Variants in TAAR1 observed in about 807,000 individuals in gnomAD.
The protein encoded by TAAR1 is trace amine associated receptor 1, also known as trace amine-associated receptor 1.
In TAAR1, 1 loss-of-function variant was observed where a neutral mutation model predicts 1.2. The ratio of observed to expected loss-of-function variants is 0.81; its 90% CI spans 0.29 to 3.86. The LOEUF is 3.86. Among genes scored for constraint, TAAR1 ranks in the 30% most tolerant of loss-of-function variants. The pLI is 0.18. For missense variants in TAAR1, 445 were observed against 405.6 expected, an observed-to-expected ratio of 1.10 and a Z score of -0.83; for synonymous variants, 153 against 132.2, an observed-to-expected ratio of 1.16 and a Z score of -1.08.
chr6:132,657,126 T>C (rs975604258), intron 1 of TAAR1, among the ~76,000 whole-genome samples: 3 of 152,148 alleles, frequency 2.0e-5, no homozygotes, highest in Admixed American at 2.0e-4. Context: ...ACACTTAACA[T>C]TGGCCTGAAA....
rs576798008 is a variant in TAAR1, at chr6:132,645,770, A to C, written c.234T>G (p.Pro78=). The C allele has an allele frequency of 6.2e-7, 1 of 1,613,788 alleles. No individual in the cohort carries two copies. Among genetic ancestry groups the C allele is most frequent in the South Asian group, 1.1e-5 (1 of 91,072 alleles). The change falls in exon 2 of 2, where the codon CCT becomes CCG. Residue 78 remains proline, a synonymous_variant. Coordinates refer to ENST00000275216, the MANE Select transcript of TAAR1 (RefSeq NM_138327.4). ...VDFLLGCLVM[P]YSMVRSAEHC... ...GCTCAGCAGATCTCACCATACTGTAAGGCATGACCAGACACCCCAGAAGAA... is the reference window on the plus strand; with the variant it reads ...GCTCAGCAGATCTCACCATACTGTACGGCATGACCAGACACCCCAGAAGAA...
rs367888752 is a variant in TAAR1, at chr6:132,645,459, C to T, written c.545G>A (p.Cys182Tyr). The change falls in exon 2 of 2, where the codon TGC becomes TAC. Residue 182 changes from cysteine (C) to tyrosine (Y), a missense_variant. Physicochemically the swap from Cys to Tyr is radical, Grantham distance 194 (BLOSUM62 -2). Coordinates refer to ENST00000275216, the MANE Select transcript of TAAR1 (RefSeq NM_138327.4). ...YYKHVHCRGG[C>Y]SVFFSKISGV... Reference sequence around the variant, plus strand: ...AGATATTTTGCTAAAGAAGACAGAGCAACCTCCTCTGCAGTGAACATGTTT... The same window carrying T: ...AGATATTTTGCTAAAGAAGACAGAGTAACCTCCTCTGCAGTGAACATGTTT... 6.2e-7 allele frequency: 1 copy of T among 1,613,750 alleles called. No individual in the cohort carries two copies. Among genetic ancestry groups the T allele is most frequent in the Middle Eastern group, 1.7e-4 (1 of 6,060 alleles).
intron 1 of TAAR1, among the ~76,000 whole-genome samples, chr6:132,655,269 A>G (rs928634633): frequency 2.6e-5 from 4 of 152,224 alleles, no homozygotes; most frequent in African/African-American, 9.6e-5. Flanking sequence ...AAAGAATTAT[A>G]AAAGAGAATA....
Position 132,645,643 on chromosome 6 carries a change from G to A in TAAR1, c.361C>T (p.Arg121Cys), listed in dbSNP as rs199758150. Reference protein sequence around the residue: ...IFHLSFISIDRYYAVCDPLRY... With the variant: ...IFHLSFISIDCYYAVCDPLRY... Reference sequence around the variant, plus strand: ...AGTGGATCACACACAGCATAGTAGCGGTCAATGGAGATGAAAGACAAATGG... The same window carrying A: ...AGTGGATCACACACAGCATAGTAGCAGTCAATGGAGATGAAAGACAAATGG... The change falls in exon 2 of 2, where the codon CGC (arginine) becomes TGC (cysteine). Residue 121 changes from arginine to cysteine, a missense_variant. Arg to Cys is a radical substitution (Grantham distance 180, BLOSUM62 -3). Coordinates refer to ENST00000275216, the MANE Select transcript of TAAR1 (RefSeq NM_138327.4). 1.2e-4 allele frequency: 192 copies of A among 1,613,464 alleles called. No homozygotes were observed. In the African/African-American group the frequency reaches 1.3e-3, roughly 11 times the overall value.
At chr6:132,658,284 G>A (rs923776386) in intron 1 of TAAR1, among the ~76,000 whole-genome samples, 9 of 152,102 alleles carry the variant, frequency 5.9e-5, no homozygotes, top group African/African-American at 1.9e-4. Flanking sequence ...ATTGCTGGAA[G>A]TGAACCATTT....
rs761808117 is a variant in TAAR1, at chr6:132,645,829, T to C, written c.175A>G (p.Asn59Asp). 12 of 1,613,836 alleles carry C rather than the reference T, an allele frequency of 7.4e-6. No homozygotes were observed. In the South Asian group the frequency reaches 1.3e-4, roughly 18 times the overall value. Residue 59 changes from asparagine to aspartate, a missense_variant, in exon 2 of 2, where the codon AAT becomes GAT. Asn to Asp is a conservative substitution (Grantham distance 23, BLOSUM62 1). Coordinates refer to ENST00000275216, the MANE Select transcript of TAAR1 (RefSeq NM_138327.4). ...GTGGCCATGGAATGAATGAGCCAAT[T>C]TGTTGGGGTATGAAGTTGTTTGAAG... is the stretch of plus-strand genomic sequence containing the variant. ...SHFKQLHTPT[N>D]WLIHSMATVD...
chr6:132,647,664 G>GAAA (rs755528472), intron 1 of TAAR1, among the ~76,000 whole-genome samples: 1 of 145,548 alleles, frequency 6.9e-6, no homozygotes, highest in South Asian at 2.2e-4. Context: ...AAGAAAGAAA[G>GAAA]AAAGAAAGAA....
chr6:132,651,813 T>C (rs1310956468), intron 1 of TAAR1, among the ~76,000 whole-genome samples: 1 of 152,158 alleles, frequency 6.6e-6, no homozygotes, highest in Non-Finnish European at 1.5e-5. Context: ...GAGTCTCAAA[T>C]GTAAAAGAAC....
At chr6:132,649,987 C>A (rs1485801831) in intron 1 of TAAR1, among the ~76,000 whole-genome samples, 5 of 152,156 alleles carry the variant, frequency 3.3e-5, no homozygotes, top group East Asian at 3.9e-4. Flanking sequence ...TATTGTCCAC[C>A]TAAATGATCC....
In TAAR1 at chr6:132,644,779, T is replaced by A. The variant is rs542765775; in HGVS notation, c.*205A>T. ...ATACTGGATTTGCAAAGTTCCATTATGTGTGGTAAGAATGGAAAAGCGTAT... is the reference window on the plus strand; with the variant it reads ...ATACTGGATTTGCAAAGTTCCATTAAGTGTGGTAAGAATGGAAAAGCGTAT... On this transcript the variant is annotated 3_prime_UTR_variant, in exon 2 of 2. Transcript: ENST00000275216. 6.6e-6 allele frequency among the ~76,000 whole-genome samples: 1 copy of A among 152,082 alleles called. No individual in the cohort carries two copies. The highest frequency in any genetic ancestry group is 1.5e-5 in the Non-Finnish European group (1 of 67,994).
chr6:132,647,341 C>G (rs1280704038), intron 1 of TAAR1, among the ~76,000 whole-genome samples: 1 of 138,028 alleles, frequency 7.2e-6, no homozygotes, highest in Non-Finnish European at 1.5e-5. Flanking sequence ...AGAACTTGGA[C>G]TTACACACAC....
chr6:132,648,034 A>G (rs1021075657), intron 1 of TAAR1, among the ~76,000 whole-genome samples: 1 of 152,204 alleles, frequency 6.6e-6, no homozygotes, highest in African/African-American at 2.4e-5. Context: ...TCATTCCATG[A>G]TAGAAGCTAA....
chr6:132,654,795 G>A, intron 1 of TAAR1, among the ~76,000 whole-genome samples: 1 of 152,096 alleles, frequency 6.6e-6, no homozygotes, highest in Non-Finnish European at 1.5e-5. Context: ...AGCCATGAAA[G>A]GACTAATAAT....
intron 1 of TAAR1, among the ~76,000 whole-genome samples, chr6:132,654,624 G>A (rs1039503786): frequency 6.6e-6 from 1 of 152,092 alleles, no homozygotes; most frequent in Non-Finnish European, 1.5e-5. Flanking sequence ...ATGACTTTAC[G>A]ATATATTCAA....
chr6:132,645,809 C>T lies in TAAR1; in HGVS notation c.195G>A (p.Met65Ile), dbSNP rs201331642. The T allele has an allele frequency of 6.2e-7, 1 of 1,613,694 alleles. No homozygotes were observed. The highest frequency in any genetic ancestry group is 8.5e-7 in the Non-Finnish European group (1 of 1,179,798). ...HTPTNWLIHS[M>I]ATVDFLLGCL... ...ACCCCAGAAGAAAGTCCACAGTGGC[C>T]ATGGAATGAATGAGCCAATTTGTTG... The change falls in exon 2 of 2, where the codon ATG (methionine) becomes ATA (isoleucine). Residue 65 changes from methionine (M) to isoleucine (I), a missense_variant. Coordinates refer to ENST00000275216, the MANE Select transcript of TAAR1 (RefSeq NM_138327.4).
Position 132,647,623 on chromosome 6 carries a change from G to GAAAAGAAAGAAAGAAAGAAA in TAAR1, c.-126-1495_-126-1494insTTTCTTTCTTTCTTTCTTTT, listed in dbSNP as rs201011015. 4.7e-4 allele frequency among the ~76,000 whole-genome samples: 48 copies of GAAAAGAAAGAAAGAAAGAAA among 103,118 alleles called. 1 individual carries two copies. The highest frequency in any genetic ancestry group is 2.1e-3 in the East Asian group (8 of 3,760). 67.6% of individuals were successfully genotyped at this position (103,118 alleles called of 152,430 possible). ...GAAAGAAAAAAGAAAGAAAGAAAAA[G>GAAAAGAAAGAAAGAAAGAAA]GAAAGAAAGAAAGAAAGAAAGAAAG... is the stretch of plus-strand genomic sequence containing the variant. On this transcript the variant is annotated intron_variant, in intron 1 of 1. Transcript: ENST00000275216.
In TAAR1 at chr6:132,643,932, CCTT is replaced by C. The variant is rs1371910607; in HGVS notation, c.*1049_*1051del. On this transcript the variant is annotated 3_prime_UTR_variant, in exon 2 of 2. Transcript: ENST00000275216. ...GCTACTTTGATGGATGACTGCTTCT[CCTT>C]CTGTGTATTGTGGAGCCCAGCAAAG... 6.6e-6 allele frequency among the ~76,000 whole-genome samples: 1 copy of C among 151,942 alleles called. No homozygotes were observed. Among genetic ancestry groups the C allele is most frequent in the African/African-American group, 2.4e-5 (1 of 41,392 alleles).
intron 1 of TAAR1, among the ~76,000 whole-genome samples, chr6:132,651,587 A>C (rs1033732517): frequency 2.6e-5 from 4 of 152,158 alleles, no homozygotes; most frequent in African/African-American, 9.7e-5. Flanking sequence ...CCCTTCATTA[A>C]AAAGTTATCT....
intron 1 of TAAR1, among the ~76,000 whole-genome samples, chr6:132,654,119 C>T (rs1777776384): frequency 6.6e-6 from 1 of 152,168 alleles, no homozygotes; most frequent in Admixed American, 6.5e-5. Context: ...GGTTCCCGAA[C>T]CAAGAAACCC....
Sources: allele counts gnomAD v4.1 joint callset (sites outside exome capture counted in the v4.1 genomes callset), GRCh38; gene constraint gnomAD v4.1.1; transcripts MANE v1.5; gene names NCBI Gene and HGNC (gene_info 2026-07-23, HGNC 2026-07-21).